The following CATSPERB variants were observed in gnomAD, a reference collection of about 807,000 sequenced individuals.
CATSPERB encodes catsper channel auxiliary subunit beta.
Under a neutral mutation model 128.3 loss-of-function variants are expected in CATSPERB, and 93 were observed. That is an observed-to-expected ratio of 0.72 (90% CI 0.61 to 0.86). The LOEUF (loss-of-function observed/expected upper bound fraction) is 0.86, where lower values mean the gene tolerates loss of function less well. CATSPERB is among the 40% of genes least tolerant of loss of function. The pLI, the probability that CATSPERB is intolerant of heterozygous loss-of-function variation, is 0.00. For synonymous variants in CATSPERB, 381 were observed against 448.8 expected (o/e 0.85, Z 1.91); for missense variants, 1,153 against 1,329.5 (o/e 0.87, Z 2.06).
At chr14:91,597,794 A>G (rs1428124154) in intron 22 of CATSPERB, among the ~76,000 whole-genome samples, 1 of 152,192 alleles carries the variant, frequency 6.6e-6, no homozygotes, top group Non-Finnish European at 1.5e-5. Context: ...GTCAGTGTTT[A>G]AGATTTAGCA....
intron 10 of CATSPERB, 30 bp downstream of exon 10, chr14:91,691,493 A>G: frequency 6.4e-7 from 1 of 1,550,456 alleles, no homozygotes; most frequent in South Asian, 1.3e-5. Flanking sequence ...ATATCTTCTA[A>G]CCAGCCCTGG....
rs573558088 is a variant in CATSPERB at position 91,722,416 on chromosome 14, A to G, written c.309+633T>C. On this transcript the variant is annotated intron_variant, in intron 4 of 26. Transcript: ENST00000256343. ...AGCCAGTCATGAACACTACATATATATGTTTCATTTACATAAAATGTTCAG... is the reference window on the plus strand; with the variant it reads ...AGCCAGTCATGAACACTACATATATGTGTTTCATTTACATAAAATGTTCAG... 3.3e-5 allele frequency among the ~76,000 whole-genome samples: 5 copies of G among 152,330 alleles called. No individual in the cohort carries two copies. The East Asian group carries it at 5.8e-4, about 18-fold the overall frequency.
At chr14:91,591,828 G>T in intron 23 of CATSPERB, 64 bp downstream of exon 23, 3 of 1,071,290 alleles carry the variant, frequency 2.8e-6, no homozygotes, top group Non-Finnish European at 4.3e-6. Flanking sequence ...TAACCTAAAG[G>T]CACATTTCAA....
At position 91,598,807 on chromosome 14, in the gene CATSPERB, G is replaced by A. The variant is rs536124612; in HGVS notation, c.2710-6805C>T. On this transcript the variant is annotated intron_variant, in intron 22 of 26. Coordinates refer to ENST00000256343, the MANE Select transcript of CATSPERB (RefSeq NM_024764.4). Reference sequence around the variant, plus strand: ...TGGGAGGTGGAGCTTGCAGTGAGCCGAGATCGCACCACTGCACTCCAGCCT... The same window carrying A: ...TGGGAGGTGGAGCTTGCAGTGAGCCAAGATCGCACCACTGCACTCCAGCCT... 1.2e-4 allele frequency among the ~76,000 whole-genome samples: 18 copies of A among 144,210 alleles called. No homozygotes were observed. In the South Asian group the frequency reaches 2.6e-3, roughly 21 times the overall value. The allele number at this position is 144,210 out of a possible 152,430, so 94.6% of individuals were successfully genotyped here.
intron 22 of CATSPERB, 59 bp downstream of exon 22, chr14:91,608,235 T>C: frequency 9.5e-7 from 1 of 1,053,686 alleles, no homozygotes; most frequent in Non-Finnish European, 1.5e-6. Flanking sequence ...TATATAATTT[T>C]ACTGAATGAT....
chr14:91,617,859 G>T, intron 19 of CATSPERB, 123 bp from the exon 20 acceptor site: 1 of 686,686 alleles, frequency 1.5e-6, no homozygotes, highest in Non-Finnish European at 2.4e-6. Flanking sequence ...CACAATGACT[G>T]CACATACAGT....
At chr14:91,670,659 G>A (rs1189076064) in intron 13 of CATSPERB, among the ~76,000 whole-genome samples, 1 of 151,664 alleles carries the variant, frequency 6.6e-6, no homozygotes, top group African/African-American at 2.4e-5. Context: ...CAGCCTGAGT[G>A]AGAGTGAGAC....
At chr14:91,612,376 C>T (rs1893852930) in intron 20 of CATSPERB, among the ~76,000 whole-genome samples, 1 of 152,128 alleles carries the variant, frequency 6.6e-6, no homozygotes, top group Non-Finnish European at 1.5e-5. Flanking sequence ...GTCTCGAACT[C>T]CTGGCCTCAA....
chr14:91,663,788 A>G (rs1034679429), intron 14 of CATSPERB, among the ~76,000 whole-genome samples: 7 of 152,138 alleles, frequency 4.6e-5, no homozygotes, highest in African/African-American at 1.7e-4. Context: ...ATTGAGGTAA[A>G]AAACACATAT....
intron 7 of CATSPERB, among the ~76,000 whole-genome samples, chr14:91,699,951 T>G (rs1234962286): frequency 6.6e-6 from 1 of 152,130 alleles, no homozygotes; most frequent in Non-Finnish European, 1.5e-5. Context: ...TATTTTATTA[T>G]ACTTTAAGTT....
intron 26 of CATSPERB, among the ~76,000 whole-genome samples, chr14:91,585,172 A>G (rs1451360227): frequency 1.3e-5 from 2 of 151,910 alleles, no homozygotes; most frequent in Non-Finnish European, 2.9e-5. Context: ...GTGTGCCTCC[A>G]TGCCTGGCTA....
At chr14:91,722,847 G>C (rs953884851) in intron 4 of CATSPERB, among the ~76,000 whole-genome samples, 16 of 151,644 alleles carry the variant, frequency 1.1e-4, no homozygotes, top group Non-Finnish European at 8.8e-5. Context: ...GTAGGTAAAG[G>C]GTACAAATAA....
At chr14:91,673,624 C>T (rs1420030411) in intron 12 of CATSPERB, among the ~76,000 whole-genome samples, 1 of 152,134 alleles carries the variant, frequency 6.6e-6, no homozygotes, top group African/African-American at 2.4e-5. Context: ...GGTGCTCACG[C>T]CTGTAACCCC....
Position 91,650,931 on chromosome 14 carries a change from T to C in CATSPERB, c.1432+8906A>G, listed in dbSNP as rs1392361369. Among the ~76,000 whole-genome samples, 3 of 152,180 alleles carry C rather than the reference T, an allele frequency of 2.0e-5. No homozygotes were observed. The East Asian group carries it at 5.8e-4, about 29-fold the overall frequency. ...TATATTTATAATTTTTAATATTCTA[T>C]AATTTTTATTGACAATTTAGTTTTC... On this transcript the variant is annotated intron_variant, in intron 15 of 26. Coordinates refer to ENST00000256343, the MANE Select transcript of CATSPERB (RefSeq NM_024764.4).
chr14:91,725,841 C>T (rs887105224), intron 2 of CATSPERB, among the ~76,000 whole-genome samples: 4 of 152,312 alleles, frequency 2.6e-5, no homozygotes, highest in South Asian at 4.1e-4. Flanking sequence ...TTTCTGTTTT[C>T]GTGCCCAGAA....
intron 7 of CATSPERB, among the ~76,000 whole-genome samples, chr14:91,703,208 C>T (rs945667750): frequency 6.6e-6 from 1 of 151,932 alleles, no homozygotes; most frequent in African/African-American, 2.4e-5. Flanking sequence ...TAGCTAGGAA[C>T]AATAATTAAA....
At chr14:91,584,965 G>A (rs937670107) in intron 26 of CATSPERB, among the ~76,000 whole-genome samples, 2 of 151,800 alleles carry the variant, frequency 1.3e-5, no homozygotes, top group African/African-American at 2.4e-5. Context: ...CAAACTTGAG[G>A]CTTTTCCGTC....
intron 5 of CATSPERB, 61 bp downstream of exon 5, chr14:91,719,356 TG>T: frequency 8.4e-7 from 1 of 1,186,662 alleles, no homozygotes; most frequent in South Asian, 1.6e-5. Context: ...AAATTCTTTT[TG>T]TTCTTTTTAT....
intron 2 of CATSPERB, among the ~76,000 whole-genome samples, chr14:91,726,394 C>T (rs1029238489): frequency 5.3e-5 from 8 of 152,146 alleles, no homozygotes; most frequent in African/African-American, 1.9e-4. Context: ...GGTTCGAGTG[C>T]CAGAACAGCC....
Sources: allele counts gnomAD v4.1 joint callset (sites outside exome capture counted in the v4.1 genomes callset), GRCh38; gene constraint gnomAD v4.1.1; transcripts MANE v1.5; gene names NCBI Gene and HGNC (gene_info 2026-07-23, HGNC 2026-07-21).